AKR1C8: variants seen among roughly 807,000 people sequenced by gnomAD.
The protein encoded by AKR1C8 is aldo-keto reductase family 1 member C8, also known as aldo-keto reductase family 1 member C-like protein 1.
At chr10:5,126,714 G>C in the AKR1C8 span, among the ~76,000 whole-genome samples, 13 of 152,088 alleles carry the variant, frequency 8.5e-5, no homozygotes. Flanking sequence ...AGCTTCAAGA[G>C]ACTGCTGCCA....
chr10:5,138,231 T>C, the AKR1C8 span, among the ~76,000 whole-genome samples: 19 of 152,162 alleles, frequency 1.2e-4, no homozygotes, highest in East Asian at 3.5e-3. Context: ...TCAGCCCTTA[T>C]CTCAACCACA....
the AKR1C8 span, among the ~76,000 whole-genome samples, chr10:5,179,338 C>T: frequency 6.6e-6 from 1 of 152,190 alleles, no homozygotes; most frequent in Non-Finnish European, 1.5e-5. Context: ...AGAGTTTCTG[C>T]CGAGAGATCT....
At chr10:5,164,641 G>A in the AKR1C8 span, among the ~76,000 whole-genome samples, 2 of 152,014 alleles carry the variant, frequency 1.3e-5, no homozygotes, top group African/African-American at 2.4e-5. Context: ...AGACTCAGGG[G>A]ACAGGCTTCC....
chr10:5,149,117 A>G, the AKR1C8 span, among the ~76,000 whole-genome samples: 1 of 152,168 alleles, frequency 6.6e-6, no homozygotes, highest in Non-Finnish European at 1.5e-5. Flanking sequence ...AGTAGTAGAA[A>G]AAAATGAAAA....
At chr10:5,158,549 C>T in the AKR1C8 span, 1 of 415,006 alleles carries the variant, frequency 2.4e-6, no homozygotes, top group Admixed American at 3.4e-5. Context: ...AGGAGTTTTT[C>T]AGCATCAGCA....
chr10:5,150,359 T>C, the AKR1C8 span, among the ~76,000 whole-genome samples: 11 of 151,946 alleles, frequency 7.2e-5, no homozygotes, highest in Admixed American at 5.9e-4. Flanking sequence ...AAAGGAATAT[T>C]TTATGCCATA....
At chr10:5,135,120 C>A in the AKR1C8 span, 1 of 214,372 alleles carries the variant, frequency 4.7e-6, no homozygotes. Context: ...AAATGCCCAA[C>A]ACTGAAAATA....
the AKR1C8 span, among the ~76,000 whole-genome samples, chr10:5,121,704 A>G: frequency 1.3e-5 from 2 of 152,126 alleles, no homozygotes; most frequent in Non-Finnish European, 2.9e-5. Flanking sequence ...GGAGACACAA[A>G]GAGGGACCAG....
At chr10:5,169,062 G>A in the AKR1C8 span, among the ~76,000 whole-genome samples, 1 of 122,358 alleles carries the variant, frequency 8.2e-6, no homozygotes, top group South Asian at 2.5e-4. Context: ...GACAAGCACT[G>A]ACATCAAAAG....
At chr10:5,159,011 G>C in the AKR1C8 span, among the ~76,000 whole-genome samples, 2 of 152,092 alleles carry the variant, frequency 1.3e-5, no homozygotes, top group Non-Finnish European at 2.9e-5. Context: ...TAGAGGAAGG[G>C]CATATTCCAG....
the AKR1C8 span, among the ~76,000 whole-genome samples, chr10:5,126,038 G>A: frequency 6.6e-6 from 1 of 152,178 alleles, no homozygotes; most frequent in African/African-American, 2.4e-5. Context: ...TCTTTACACT[G>A]GTGGGAAGTT....
the AKR1C8 span, among the ~76,000 whole-genome samples, chr10:5,179,532 C>A: frequency 3.1e-3 from 476 of 152,106 alleles, 2 homozygotes; most frequent in African/African-American, 0.011. Context: ...GCCTGCCTTG[C>A]TAGATTGGAG....
chr10:5,117,575 G>T, the AKR1C8 span, among the ~76,000 whole-genome samples: 2 of 152,128 alleles, frequency 1.3e-5, no homozygotes, highest in African/African-American at 4.8e-5. Context: ...AGTCCATTGT[G>T]TTGCTATAAA....
the AKR1C8 span, among the ~76,000 whole-genome samples, chr10:5,176,565 G>A: frequency 6.6e-6 from 1 of 150,446 alleles, no homozygotes; most frequent in African/African-American, 2.4e-5. Context: ...AAATTACCTT[G>A]GGCAGTATGG....
At chr10:5,168,056 G>A in the AKR1C8 span, among the ~76,000 whole-genome samples, 3 of 151,830 alleles carry the variant, frequency 2.0e-5, no homozygotes, top group African/African-American at 4.8e-5. Flanking sequence ...TATACACATG[G>A]CATGGCTTTC....
the AKR1C8 span, among the ~76,000 whole-genome samples, chr10:5,121,928 A>C: frequency 3.9e-5 from 6 of 152,124 alleles, no homozygotes; most frequent in East Asian, 1.2e-3. Flanking sequence ...TCAGAAATTG[A>C]GCCGTGGAGG....
the AKR1C8 span, chr10:5,123,885 T>C: frequency 2.0e-6 from 3 of 1,491,998 alleles, no homozygotes; most frequent in African/African-American, 4.2e-5. Flanking sequence ...ATAAAAAGAT[T>C]ACAGATTAAA....
chr10:5,177,470 GT>G, the AKR1C8 span, among the ~76,000 whole-genome samples: 1 of 152,132 alleles, frequency 6.6e-6, no homozygotes, highest in Non-Finnish European at 1.5e-5. Flanking sequence ...CCCGGCTTTG[GT>G]ATCAGGATGA....
At chr10:5,149,972 C>T in the AKR1C8 span, among the ~76,000 whole-genome samples, 1 of 151,590 alleles carries the variant, frequency 6.6e-6, no homozygotes, top group Non-Finnish European at 1.5e-5. Context: ...GTCTTCTGGA[C>T]TTTGAAAAAC....
Sources: gnomAD v4.1 joint callset for allele counts (sites outside exome capture counted in the v4.1 genomes callset) on GRCh38, gnomAD v4.1.1 for gene constraint, MANE v1.5 for transcripts, NCBI Gene and HGNC (gene_info 2026-07-23, HGNC 2026-07-21) for gene names.